The following FKBP1B variants were observed in gnomAD, a reference collection of about 807,000 sequenced individuals.
FKBP1B encodes the protein peptidyl-prolyl cis-trans isomerase FKBP1B.
Under a neutral mutation model 13.5 loss-of-function variants are expected in FKBP1B, and 4 were observed. The observed-to-expected ratio is 0.30, with a 90% CI of 0.15 to 0.68. The LOEUF (loss-of-function observed/expected upper bound fraction) is 0.68, where lower values mean the gene tolerates loss of function less well. FKBP1B is among the 30% of genes least tolerant of loss of function. FKBP1B has a pLI of 0.76. For synonymous variants in FKBP1B, 54 were observed against 53.6 expected, an observed-to-expected ratio of 1.01 and a Z score of -0.03; for missense variants, 93 against 136.2, an observed-to-expected ratio of 0.68 and a Z score of 1.58.
upstream of FKBP1B, among the ~76,000 whole-genome samples, chr2:24,045,139 CAGT>C (rs1028128559): frequency 2.6e-5 from 4 of 152,072 alleles, no homozygotes; most frequent in African/African-American, 9.7e-5. Context: ...GCAACTATTT[CAGT>C]AGAGAAAGAA....
chr2:24,058,788 T>G (rs764875919), intron 2 of FKBP1B, among the ~76,000 whole-genome samples: 2 of 152,230 alleles, frequency 1.3e-5, no homozygotes, highest in Non-Finnish European at 2.9e-5. Context: ...CTTTGTGTAT[T>G]TGAATATCTT....
intron 2 of FKBP1B, among the ~76,000 whole-genome samples, chr2:24,059,938 T>G (rs1573696255): frequency 7.3e-6 from 1 of 137,358 alleles, no homozygotes; most frequent in African/African-American, 2.7e-5. Flanking sequence ...TGCAGAGGAA[T>G]TTGAGAAAGG....
intron 2 of FKBP1B, chr2:24,054,285 C>G (rs939198757): frequency 2.1e-6 from 1 of 483,822 alleles, no homozygotes; most frequent in Admixed American, 3.5e-5. Context: ...GAAATCCCTC[C>G]TAGAGCTCCC....
the FKBP1B span, among the ~76,000 whole-genome samples, chr2:24,042,254 T>C: frequency 6.6e-6 from 1 of 150,508 alleles, no homozygotes; most frequent in Non-Finnish European, 1.5e-5. Flanking sequence ...ATACAAAAAA[T>C]TGGCCGGGCG....
chr2:24,044,514 G>A, the FKBP1B span, among the ~76,000 whole-genome samples: 1 of 152,094 alleles, frequency 6.6e-6, no homozygotes, highest in African/African-American at 2.4e-5. Context: ...TGATCCTCCT[G>A]CCTTGGCCTC....
upstream of FKBP1B, among the ~76,000 whole-genome samples, chr2:24,049,190 C>CA: frequency 1.3e-5 from 2 of 152,082 alleles, no homozygotes; most frequent in Middle Eastern, 3.4e-3. Flanking sequence ...CCCGTTTCTA[C>CA]AAAAAATAAA....
chr2:24,038,201 T>G, the FKBP1B span: 13 of 1,614,080 alleles, frequency 8.1e-6, no homozygotes, highest in Admixed American at 2.2e-4. Context: ...TCTTCCAACA[T>G]TATTTCTCTA....
chr2:24,052,871 A>G (rs1190172451), intron 1 of FKBP1B, among the ~76,000 whole-genome samples: 3 of 152,072 alleles, frequency 2.0e-5, no homozygotes, highest in African/African-American at 4.8e-5. Flanking sequence ...CTCAGAAGGC[A>G]GAGGAAGAAA....
chr2:24,037,966 G>T, the FKBP1B span: 2 of 1,614,086 alleles, frequency 1.2e-6, no homozygotes, highest in Admixed American at 1.7e-5. Context: ...TAGAGCTATG[G>T]AGCCATCACA....
In FKBP1B at chr2:24,063,132, C is replaced by T. The variant is rs148388923; in HGVS notation, c.267C>T (p.Pro89=). Residue 89 remains proline, a synonymous_variant, in exon 4 of 4, where the codon CCC becomes CCT. Transcript: ENST00000380986. ...TGGCATATGGAGCCACGGGCCACCC[C>T]GGTGTCATCCCTCCCAATGCCACCC... is the stretch of plus-strand genomic sequence containing the variant. ...PDVAYGATGH[P]GVIPPNATLI... is the part of the protein sequence containing the mutation. 1.6e-5 allele frequency: 26 copies of T among 1,613,424 alleles called. No homozygotes were observed. The highest frequency in any genetic ancestry group is 1.1e-4 in the African/African-American group (8 of 74,928).
At chr2:24,033,324 T>A in the FKBP1B span, 1 of 333,504 alleles carries the variant, frequency 3.0e-6, no homozygotes, top group Non-Finnish European at 6.0e-6. Flanking sequence ...GGAAAAAAAA[T>A]GCCGAGAGAG....
At chr2:24,039,744 T>C in the FKBP1B span, among the ~76,000 whole-genome samples, 1 of 152,138 alleles carries the variant, frequency 6.6e-6, no homozygotes, top group African/African-American at 2.4e-5. Flanking sequence ...TTTTTAGAAC[T>C]GGGGAAATCT....
At chr2:24,055,991 T>G (rs186518936) in intron 2 of FKBP1B, among the ~76,000 whole-genome samples, 1 of 152,146 alleles carries the variant, frequency 6.6e-6, no homozygotes, top group Non-Finnish European at 1.5e-5. Context: ...GTTTTGGTTT[T>G]GTTTTGTTTT....
the FKBP1B span, chr2:24,039,441 T>C: frequency 6.2e-7 from 1 of 1,614,252 alleles, no homozygotes. Flanking sequence ...GATGCACTGC[T>C]TGATGCAACG....
At chr2:24,060,999 C>T (rs1664365719) in intron 3 of FKBP1B, 73 bp downstream of exon 3, 3 of 1,044,070 alleles carry the variant, frequency 2.9e-6, no homozygotes, top group African/African-American at 1.6e-5. Context: ...CCCTCCACCT[C>T]CACCTTCACC....
chr2:24,056,451 C>T lies in FKBP1B; in HGVS notation c.85+2502C>T, dbSNP rs145879456. On this transcript the variant is annotated intron_variant, in intron 2 of 3. Coordinates refer to ENST00000380986, the MANE Select transcript of FKBP1B (RefSeq NM_004116.5). ...CCCCGCCTCCTGGGTTCAAGCGATT[C>T]TTGTGCCTCAACCTCCCAAGTAGCT... 6.3e-3 allele frequency among the ~76,000 whole-genome samples: 958 copies of T among 151,594 alleles called. 6 individuals are homozygous for T. The highest frequency in any genetic ancestry group is 0.019 in the African/African-American group (778 of 41,294).
chr2:24,038,731 C>G, the FKBP1B span: 4 of 1,614,054 alleles, frequency 2.5e-6, no homozygotes, highest in Admixed American at 1.7e-5. Flanking sequence ...GCGTACTTCA[C>G]CAATAACTGG....
intron 1 of FKBP1B, among the ~76,000 whole-genome samples, chr2:24,051,067 G>A (rs1045686342): frequency 2.0e-5 from 3 of 152,162 alleles, no homozygotes; most frequent in African/African-American, 4.8e-5. Flanking sequence ...AAAATGCAGT[G>A]GCTCACGCCT....
upstream of FKBP1B, chr2:24,049,722 C>A: frequency 1.4e-6 from 1 of 704,716 alleles, no homozygotes; most frequent in Non-Finnish European, 2.0e-6. Context: ...CCGACTCCAG[C>A]CGCACCTCCT....
Sources: gnomAD v4.1 joint callset for allele counts (sites outside exome capture counted in the v4.1 genomes callset) on GRCh38, gnomAD v4.1.1 for gene constraint, MANE v1.5 for transcripts, NCBI Gene and HGNC (gene_info 2026-07-23, HGNC 2026-07-21) for gene names.